The following VGLL4 variants were observed in gnomAD, a reference collection of about 807,000 sequenced individuals.
VGLL4 encodes the protein vestigial like family member 4.
Under a neutral mutation model 21.0 loss-of-function variants are expected in VGLL4, and 7 were observed. The observed-to-expected ratio is 0.33, with a 90% CI of 0.19 to 0.63. The LOEUF (loss-of-function observed/expected upper bound fraction) is 0.63. VGLL4 is among the 20% of genes least tolerant of loss of function. VGLL4 has a pLI of 0.78. For missense variants in VGLL4, 394 were observed against 425.7 expected (o/e 0.93, Z 0.66); for synonymous variants, 222 against 173.2 (o/e 1.28, Z -2.21).
At chr3:11,636,549 T>C (rs73814961) in intron 1 of VGLL4, among the ~76,000 whole-genome samples, 275 of 152,284 alleles carry the variant, frequency 1.8e-3, no homozygotes, top group African/African-American at 6.4e-3. Flanking sequence ...TATCCAAAAG[T>C]CCCTGGATTA....
chr3:11,652,422 G>GT (rs1187351799), intron 2 of VGLL4, among the ~76,000 whole-genome samples: 1 of 151,790 alleles, frequency 6.6e-6, no homozygotes, highest in African/African-American at 2.4e-5. Context: ...GGTGTTTTTT[G>GT]TTTTTTTGTT....
intron 1 of VGLL4, chr3:11,633,441 G>T (rs1192355834): frequency 6.6e-6 from 1 of 152,612 alleles, no homozygotes; most frequent in Non-Finnish European, 1.5e-5. Context: ...GGCCAAGGCG[G>T]GCAAGATCAC....
At chr3:11,577,326 T>C (rs1319570394) in intron 2 of VGLL4, among the ~76,000 whole-genome samples, 1 of 152,136 alleles carries the variant, frequency 6.6e-6, no homozygotes, top group Non-Finnish European at 1.5e-5. Context: ...TGGCCAGGTG[T>C]GGTGGCTCAC....
rs6442261 is a variant in VGLL4, at chr3:11,568,092, C to G, written c.273-3073G>C. Among the ~76,000 whole-genome samples the G allele has an allele frequency of 0.038, 5,761 of 152,242 alleles. 374 individuals are homozygous for G. The highest frequency in any genetic ancestry group is 0.13 in the African/African-American group (5,500 of 41,532). On this transcript the variant is annotated intron_variant, in intron 2 of 4. Coordinates refer to ENST00000430365, the MANE Select transcript of VGLL4 (RefSeq NM_001128219.3). The surrounding 1 kb of genome is among the most constrained non-coding windows in gnomAD (Gnocchi z 5.9). Reference sequence around the variant, plus strand: ...ACAATCTAGCAGGGACAGAAAGGCCCGGGAGGGGCTGCAGCTCCCAAGTGA... The same window carrying G: ...ACAATCTAGCAGGGACAGAAAGGCCGGGGAGGGGCTGCAGCTCCCAAGTGA...
chr3:11,692,207 T>C (rs1044369757), intron 2 of VGLL4, among the ~76,000 whole-genome samples: 1 of 152,226 alleles, frequency 6.6e-6, no homozygotes, highest in African/African-American at 2.4e-5. Flanking sequence ...TCCATTATGC[T>C]AATTAACAAG....
intron 2 of VGLL4, among the ~76,000 whole-genome samples, chr3:11,598,093 G>A (rs751420782): frequency 1.3e-5 from 2 of 151,828 alleles, no homozygotes; most frequent in African/African-American, 4.8e-5. Context: ...GCATGATCTC[G>A]GCTCACTGCA....
chr3:11,578,748 C>CTTTTTTTTTTT (rs71044228), intron 2 of VGLL4, among the ~76,000 whole-genome samples: 14 of 104,706 alleles, frequency 1.3e-4, no homozygotes, highest in Non-Finnish European at 2.1e-4. Flanking sequence ...TGTATATTTT[C>CTTTTTTTTTTT]TTTTTTTTTT....
rs567018700 is a variant in VGLL4, at chr3:11,580,472, G to A, written c.273-15453C>T. On this transcript the variant is annotated intron_variant, in intron 2 of 4. Transcript: ENST00000430365. ...TATGAACATGGGTGTGCAAGTATCCGTTCAAGTCTCTGCTTTCAGTTATTT... is the reference window on the plus strand; with the variant it reads ...TATGAACATGGGTGTGCAAGTATCCATTCAAGTCTCTGCTTTCAGTTATTT... Among the ~76,000 whole-genome samples the A allele has an allele frequency of 3.3e-5, 5 of 152,270 alleles. No individual in the cohort carries two copies. In the South Asian group the frequency reaches 6.2e-4, roughly 19 times the overall value.
chr3:11,626,851 A>C (rs1434822908), intron 1 of VGLL4, among the ~76,000 whole-genome samples: 1 of 151,882 alleles, frequency 6.6e-6, no homozygotes, highest in African/African-American at 2.4e-5. Context: ...TAGGATCTCA[A>C]ATCATGTGCA....
chr3:11,587,000 ACT>A (rs4036324), intron 2 of VGLL4, among the ~76,000 whole-genome samples: 44,725 of 152,044 alleles, frequency 0.29, 8,160 homozygotes, highest in African/African-American at 0.52. Flanking sequence ...CAGACAACAA[ACT>A]CTGTGTAGCT....
intron 2 of VGLL4, among the ~76,000 whole-genome samples, chr3:11,674,291 G>A (rs987057649): frequency 5.3e-5 from 8 of 152,152 alleles, no homozygotes; most frequent in African/African-American, 1.9e-4. Context: ...CAGCACATGG[G>A]AGAAAAGTGA....
At chr3:11,702,952 T>C (rs565225252) in intron 2 of VGLL4, 4 of 1,606,694 alleles carry the variant, frequency 2.5e-6, no homozygotes, top group Non-Finnish European at 3.4e-6. Flanking sequence ...AGCTATTTTA[T>C]AATAGACTCC....
intron 2 of VGLL4, among the ~76,000 whole-genome samples, chr3:11,591,923 C>T (rs980507506): frequency 1.3e-5 from 2 of 152,232 alleles, no homozygotes; most frequent in East Asian, 3.8e-4. Flanking sequence ...GATGTAACAA[C>T]AATATTGCAG....
intron 2 of VGLL4, among the ~76,000 whole-genome samples, chr3:11,687,368 T>C (rs1332934817): frequency 6.6e-6 from 1 of 152,252 alleles, no homozygotes; most frequent in Non-Finnish European, 1.5e-5. Flanking sequence ...TATTTCTATT[T>C]CAGTAGTTTT....
Position 11,565,518 on chromosome 3 carries a change from G to A in VGLL4, c.273-499C>T, listed in dbSNP as rs1373971624. On this transcript the variant is annotated intron_variant, in intron 2 of 4. Coordinates refer to ENST00000430365, the MANE Select transcript of VGLL4 (RefSeq NM_001128219.3). This position sits in a 1 kb window ranked among gnomAD's most constrained non-coding sequence, Gnocchi z 4.1. Reference sequence around the variant, plus strand: ...TTCCTAACAGCACTAAGCAGGCAATGCTGCCACCATCCCCTTTCCAGACCA... The same window carrying A: ...TTCCTAACAGCACTAAGCAGGCAATACTGCCACCATCCCCTTTCCAGACCA... Among the ~76,000 whole-genome samples the A allele has an allele frequency of 1.3e-5, 2 of 152,172 alleles. No individual in the cohort carries two copies. Among genetic ancestry groups the A allele is most frequent in the Non-Finnish European group, 2.9e-5 (2 of 68,024 alleles).
Position 11,568,880 on chromosome 3 carries a change from CA to C in VGLL4, c.273-3862del. On this transcript the variant is annotated intron_variant, in intron 2 of 4. Transcript: ENST00000430365. The surrounding 1 kb of genome is among the most constrained non-coding windows in gnomAD (Gnocchi z 5.9). ...TATCAGAGCCGCTGAGGCTGCACGG[CA>C]CCCGGCCCCGCCCCGGGCCTCATCC... is the stretch of plus-strand genomic sequence containing the variant. The C allele has an allele frequency of 2.2e-6, 3 of 1,342,108 alleles. No individual in the cohort carries two copies. The highest frequency in any genetic ancestry group is 2.9e-6 in the Non-Finnish European group (3 of 1,044,494). The allele number at this position is 1,342,108 out of a possible 1,614,324, so 83.1% of individuals were successfully genotyped here.
At chr3:11,643,159 T>C (rs547539664) in intron 1 of VGLL4, among the ~76,000 whole-genome samples, 1 of 152,266 alleles carries the variant, frequency 6.6e-6, no homozygotes, top group Non-Finnish European at 1.5e-5. Context: ...ACATACATTT[T>C]AAAGAGTTAA....
At chr3:11,571,157 G>A (rs2073759881) in intron 2 of VGLL4, among the ~76,000 whole-genome samples, 2 of 152,208 alleles carry the variant, frequency 1.3e-5, no homozygotes, top group African/African-American at 4.8e-5. Flanking sequence ...CAAAGACAGA[G>A]ATGACCCTGA....
intron 2 of VGLL4, among the ~76,000 whole-genome samples, chr3:11,577,843 A>C (rs1487180077): frequency 2.6e-5 from 4 of 152,162 alleles, no homozygotes; most frequent in Non-Finnish European, 5.9e-5. Context: ...AAATTCAATG[A>C]ATCTTATTTC....
Sources: allele counts gnomAD v4.1 joint callset (sites outside exome capture counted in the v4.1 genomes callset), GRCh38; gene constraint gnomAD v4.1.1; non-coding constraint Gnocchi (gnomAD v3.1); transcripts MANE v1.5; gene names NCBI Gene and HGNC (gene_info 2026-07-23, HGNC 2026-07-21).